The following SKA1 variants were observed in gnomAD, a reference collection of about 807,000 sequenced individuals.
The protein encoded by SKA1 is SKA complex subunit 1.
Under a neutral mutation model 31.8 loss-of-function variants are expected in SKA1, and 20 were observed. That is an observed-to-expected ratio of 0.63 (90% CI 0.44 to 0.91). The LOEUF (loss-of-function observed/expected upper bound fraction) is 0.91. SKA1 is among the 40% of genes least tolerant of loss of function. The pLI is 0.00. For missense variants in SKA1, 253 were observed against 298.2 expected, an observed-to-expected ratio of 0.85 and a Z score of 1.12; for synonymous variants, 88 against 100.5, an observed-to-expected ratio of 0.88 and a Z score of 0.74.
At chr18:50,386,784 G>A (rs544468440) in intron 5 of SKA1, among the ~76,000 whole-genome samples, 29 of 152,282 alleles carry the variant, frequency 1.9e-4, no homozygotes, top group African/African-American at 6.0e-4. Flanking sequence ...CATACAGTAT[G>A]TAGCCTTCTC....
chr18:50,391,364 T>C (rs1398530517), intron 6 of SKA1, 71 bp downstream of exon 6: 4 of 1,311,548 alleles, frequency 3.0e-6, no homozygotes, highest in African/African-American at 1.5e-5. Flanking sequence ...GAAATGTAGC[T>C]AGTTCTAGAA....
At chr18:50,391,588 G>A (rs1358684583) in intron 6 of SKA1, among the ~76,000 whole-genome samples, 1 of 152,320 alleles carries the variant, frequency 6.6e-6, no homozygotes, top group Middle Eastern at 3.4e-3. Context: ...TGCTGAGCCT[G>A]AGAAACATTG....
chr18:50,384,871 TAA>T (rs10608403), intron 4 of SKA1, among the ~76,000 whole-genome samples: 13,176 of 82,570 alleles, frequency 0.16, 1,099 homozygotes, highest in African/African-American at 0.25. Flanking sequence ...AAAAAAAAAT[TAA>T]AAAAAAAAAA....
intron 4 of SKA1, among the ~76,000 whole-genome samples, chr18:50,384,871 T>TAAAAAAAAAAAAAAAAAAAGAA (rs2041292849): frequency 6.1e-5 from 5 of 82,596 alleles, no homozygotes; most frequent in Non-Finnish European, 1.1e-4. Flanking sequence ...AAAAAAAAAT[T>TAAAAAAAAAAAAAAAAAAAGAA]AAAAAAAAAA....
Position 50,393,393 on chromosome 18 carries a change from T to TC in SKA1, c.*1146_*1147insC, listed in dbSNP as rs2041376326. Reference sequence around the variant, plus strand: ...GATGAGGTTAGGATACCCAGGCCCTTTGGACTTAAAGATCACTAGTGTCTA... The same window carrying TC: ...GATGAGGTTAGGATACCCAGGCCCTTCTGGACTTAAAGATCACTAGTGTCTA... On this transcript the variant is annotated 3_prime_UTR_variant, in exon 7 of 7. Coordinates refer to ENST00000285116, the MANE Select transcript of SKA1 (RefSeq NM_145060.4). 6.6e-6 allele frequency: 1 copy of TC among 152,242 alleles called. No individual in the cohort carries two copies. The highest frequency in any genetic ancestry group is 2.4e-5 in the African/African-American group (1 of 41,466). 9.4% of individuals were successfully genotyped at this position (152,242 alleles called of 1,614,324 possible).
At chr18:50,391,046 C>A in intron 5 of SKA1, 78 bp from the exon 6 acceptor site, 2 of 1,049,810 alleles carry the variant, frequency 1.9e-6, no homozygotes, top group East Asian at 2.6e-5. Flanking sequence ...ACAAAGTCAT[C>A]ATACTTATGT....
At position 50,380,029 on chromosome 18, in the gene SKA1, C is replaced by G. The variant is rs2041250857; in HGVS notation, c.89-97C>G. 1.7e-5 allele frequency: 18 copies of G among 1,065,322 alleles called. No individual in the cohort carries two copies. The South Asian group carries it at 3.5e-4, about 21-fold the overall frequency. The allele number at this position is 1,065,322 out of a possible 1,614,324, so 66.0% of individuals were successfully genotyped here. On this transcript the variant is annotated intron_variant, in intron 2 of 6. Transcript: ENST00000285116. ...GCAGTAGACCTTTTTCCACCCCTCTCTAAGGTACAGCTATCTATTCTAAGA... is the reference window on the plus strand; with the variant it reads ...GCAGTAGACCTTTTTCCACCCCTCTGTAAGGTACAGCTATCTATTCTAAGA...
chr18:50,382,037 A>G (rs2041267758), intron 3 of SKA1, 92 bp from the exon 4 acceptor site: 1 of 792,152 alleles, frequency 1.3e-6, no homozygotes, highest in Non-Finnish European at 2.0e-6. Flanking sequence ...AGTCACTGTG[A>G]TTATGGTTCA....
chr18:50,377,836 T>C (rs2041232368), intron 2 of SKA1, among the ~76,000 whole-genome samples: 1 of 152,234 alleles, frequency 6.6e-6, no homozygotes, highest in Non-Finnish European at 1.5e-5. Flanking sequence ...CTCAGTCCTG[T>C]ATTGATAACT....
intron 2 of SKA1, among the ~76,000 whole-genome samples, chr18:50,378,674 C>CAA (rs60131407): frequency 5.9e-4 from 77 of 130,150 alleles, no homozygotes; most frequent in Middle Eastern, 4.1e-3. Context: ...GACCCTGTCT[C>CAA]AAAAAAAAAA....
Position 50,375,742 on chromosome 18 carries a change from CCATTCTTGGATTTCGAAAGTGAA to C in SKA1, c.-11-75_-11-53del, listed in dbSNP as rs1456621504. On this transcript the variant is annotated intron_variant, in intron 1 of 6. Transcript: ENST00000285116. The stretch of plus-strand genomic sequence containing the variant: ...AGACATGTGATTTACTTGACATTGA[CCATTCTTGGATTTCGAAAGTGAA>C]CAGAAATTTGTGTGGCTTTTCTTGT... 15 of 837,258 alleles carry C rather than the reference CCATTCTTGGATTTCGAAAGTGAA, an allele frequency of 1.8e-5. No individual in the cohort carries two copies. The Admixed American group carries it at 2.4e-4, about 13-fold the overall frequency. The allele number at this position is 837,258 out of a possible 1,614,324, so 51.9% of individuals were successfully genotyped here. A position where few individuals can be genotyped will look rare whatever the true frequency, so the allele number is the denominator to read the frequency against.
Position 50,382,218 on chromosome 18 carries a change from C to T in SKA1, c.303C>T (p.Thr101=). 1 of 1,504,166 alleles carries T rather than the reference C, an allele frequency of 6.6e-7. No individual in the cohort carries two copies. The highest frequency in any genetic ancestry group is 8.9e-7 in the Non-Finnish European group (1 of 1,127,376). The allele number at this position is 1,504,166 out of a possible 1,614,324, so 93.2% of individuals were successfully genotyped here. A position where few individuals can be genotyped will look rare whatever the true frequency, so the allele number is the denominator to read the frequency against. Reference sequence around the variant, plus strand: ...CCCATTTGCCTCAAGTAACAGTAACCCAGAGCTGGTAAGTGTATTTATAAT... The same window carrying T: ...CCCATTTGCCTCAAGTAACAGTAACTCAGAGCTGGTAAGTGTATTTATAAT... ...VPSHLPQVTV[T]QSCVKGSDLD... The change falls in exon 4 of 7, where the codon ACC becomes ACT. Residue 101 remains threonine, a synonymous_variant. Transcript: ENST00000285116.
intron 4 of SKA1, among the ~76,000 whole-genome samples, chr18:50,383,195 C>T (rs2041276405): frequency 6.6e-6 from 1 of 152,166 alleles, no homozygotes; most frequent in Admixed American, 6.5e-5. Context: ...GCCACCACAC[C>T]TAGGGTGGTT....
chr18:50,384,871 T>TAAAAAAAAAAAAAAAA (rs10608403), intron 4 of SKA1, among the ~76,000 whole-genome samples: 25 of 82,582 alleles, frequency 3.0e-4, no homozygotes, highest in Non-Finnish European at 4.2e-4. Flanking sequence ...AAAAAAAAAT[T>TAAAAAAAAAAAAAAAA]AAAAAAAAAA....
chr18:50,392,026 C>T, intron 6 of SKA1, 73 bp from the exon 7 acceptor site: 19 of 1,190,990 alleles, frequency 1.6e-5, no homozygotes, highest in Non-Finnish European at 2.2e-5. Flanking sequence ...CATTCATATT[C>T]ACAACTTAAT....
At chr18:50,389,100 A>G (rs781249594) in intron 5 of SKA1, among the ~76,000 whole-genome samples, 2 of 151,078 alleles carry the variant, frequency 1.3e-5, no homozygotes, top group Middle Eastern at 3.4e-3. Context: ...ACCAGCTTTC[A>G]GTTTGCTCCT....
intron 3 of SKA1, among the ~76,000 whole-genome samples, chr18:50,381,727 T>G (rs2041264417): frequency 2.1e-5 from 3 of 142,260 alleles, no homozygotes; most frequent in Admixed American, 1.4e-4. Context: ...AATGTGGTTT[T>G]TTTTTTTTTT....
chr18:50,388,169 G>A (rs1008743857), intron 5 of SKA1, among the ~76,000 whole-genome samples: 2 of 152,100 alleles, frequency 1.3e-5, no homozygotes, highest in African/African-American at 4.8e-5. Context: ...CTCACTGCAA[G>A]CTCCGCCTCC....
chr18:50,378,719 T>G (rs9963345), intron 2 of SKA1, among the ~76,000 whole-genome samples: 109,230 of 150,884 alleles, frequency 0.72, 39,727 homozygotes, highest in East Asian at 0.81. Context: ...ACCCTAAAAT[T>G]TAGGTGACTA....
Sources: gnomAD v4.1 joint callset for allele counts (sites outside exome capture counted in the v4.1 genomes callset) on GRCh38, gnomAD v4.1.1 for gene constraint, MANE v1.5 for transcripts, NCBI Gene and HGNC (gene_info 2026-07-23, HGNC 2026-07-21) for gene names.